The following PDZD2 variants were observed in gnomAD, a reference collection of about 807,000 sequenced individuals.
PDZD2 encodes the protein PDZ domain containing 2.
In PDZD2, 90 loss-of-function variants were observed where a neutral mutation model predicts 220.7. That is an observed-to-expected ratio of 0.41 (90% confidence interval 0.34 to 0.49). The LOEUF is 0.49. Among genes scored for constraint, PDZD2 ranks in the 20% least tolerant of loss-of-function variants. The pLI is 0.28. For synonymous variants in PDZD2, 1,375 were observed against 1,450.5 expected, an observed-to-expected ratio of 0.95 and a Z score of 1.18; for missense variants, 3,174 against 3,608.5, an observed-to-expected ratio of 0.88 and a Z score of 3.08.
rs369135264 is a variant in PDZD2 at position 31,736,290 on chromosome 5, A to G, written c.-360-62599A>G. On this transcript the variant is annotated intron_variant, in intron 1 of 24. Transcript: ENST00000438447. ...TCGCGTTCTGCCTGGAAGTCTGCAC[A>G]GGGCTCGTGGGTGCTACGGCAGTGT... 1.2e-4 allele frequency among the ~76,000 whole-genome samples: 18 copies of G among 152,302 alleles called. No individual in the cohort carries two copies. The East Asian group carries it at 1.4e-3, about 11-fold the overall frequency.
At position 32,088,366 on chromosome 5, in the gene PDZD2, G is replaced by A. The variant is rs768827237; in HGVS notation, c.4918G>A (p.Glu1640Lys). 6.2e-7 allele frequency: 1 copy of A among 1,614,108 alleles called. No individual in the cohort carries two copies. The highest frequency in any genetic ancestry group is 8.5e-7 in the Non-Finnish European group (1 of 1,180,044). ...VLSLKYSTPRESVASPREKAA... is the reference protein window; with the variant it reads ...VLSLKYSTPRKSVASPREKAA... ...GTCATTAAAATACAGCACTCCGAGA[G>A]AGTCGGTGGCCAGTCCCCGTGAGAA... The change falls in exon 20 of 25, where the codon GAG (glutamate) becomes AAG (lysine). Residue 1640 changes from glutamate to lysine, a missense_variant. Physicochemically the swap from Glu to Lys is moderately conservative, Grantham distance 56. This residue lies in a region of PDZD2 where 1,861 missense variants were observed against 2,001.0 expected (regional missense o/e 0.93). Transcript: ENST00000438447. The surrounding 1 kb of genome is among the most constrained non-coding windows in gnomAD (Gnocchi z 4.6).
At chr5:31,874,501 C>A (rs755979380) in intron 2 of PDZD2, among the ~76,000 whole-genome samples, 1 of 152,082 alleles carries the variant, frequency 6.6e-6, no homozygotes, top group African/African-American at 2.4e-5. Flanking sequence ...TGGCTCACAC[C>A]TGTAATCCCA....
At chr5:32,078,840 G>C (rs1226956626) in intron 19 of PDZD2, among the ~76,000 whole-genome samples, 1 of 151,428 alleles carries the variant, frequency 6.6e-6, no homozygotes, top group East Asian at 2.0e-4. Context: ...GTGTATGTGT[G>C]TATGTAAAAT....
intron 6 of PDZD2, among the ~76,000 whole-genome samples, chr5:32,025,591 C>CTTTTTTCTTTTTTTTTTTTTT (rs1754584653): frequency 1.5e-5 from 1 of 67,508 alleles, no homozygotes; most frequent in African/African-American, 6.6e-5. Context: ...AACCATGATG[C>CTTTTTTCTTTTTTTTTTTTTT]TTTTTTTTTT....
intron 2 of PDZD2, among the ~76,000 whole-genome samples, chr5:31,952,399 C>A (rs545662685): frequency 6.6e-6 from 1 of 152,288 alleles, no homozygotes; most frequent in South Asian, 2.1e-4. Context: ...GATTTCAGAA[C>A]CTCAGTTGAA....
chr5:31,786,166 C>CT (rs1753367372), intron 1 of PDZD2, among the ~76,000 whole-genome samples: 1 of 152,126 alleles, frequency 6.6e-6, no homozygotes, highest in Non-Finnish European at 1.5e-5. Context: ...AAGGTTGAAC[C>CT]TTTGTGCTCC....
At chr5:31,926,539 A>AAAAG (rs1744787934) in intron 2 of PDZD2, among the ~76,000 whole-genome samples, 1 of 151,570 alleles carries the variant, frequency 6.6e-6, no homozygotes, top group African/African-American at 2.4e-5. Flanking sequence ...AAAAAAAAAA[A>AAAAG]AAAAAAGAAA....
chr5:32,074,857 C>T (rs926940485), intron 18 of PDZD2, among the ~76,000 whole-genome samples: 3 of 151,058 alleles, frequency 2.0e-5, no homozygotes, highest in Admixed American at 6.6e-5. Context: ...GTCACCCAGG[C>T]GGGAGTGCAG....
At chr5:31,991,688 C>T (rs1373242905) in intron 3 of PDZD2, among the ~76,000 whole-genome samples, 1 of 152,152 alleles carries the variant, frequency 6.6e-6, no homozygotes, top group African/African-American at 2.4e-5. Flanking sequence ...ATATCAGACA[C>T]TGATTTATTT....
chr5:32,056,442 G>A (rs1248880283), intron 10 of PDZD2, among the ~76,000 whole-genome samples: 1 of 152,146 alleles, frequency 6.6e-6, no homozygotes, highest in Admixed American at 6.5e-5. Context: ...CAGCAATGCT[G>A]TGCAAAGTTC....
At position 31,855,195 on chromosome 5, in the gene PDZD2, G is replaced by A. The variant is rs1758339109; in HGVS notation, c.476+55471G>A. On this transcript the variant is annotated intron_variant, in intron 2 of 24. Transcript: ENST00000438447. ...TAGGAAATCGGCTTCTCAGGCGAAAGCCTCAGGTTTTCTGATCTGATCCAG... is the reference window on the plus strand; with the variant it reads ...TAGGAAATCGGCTTCTCAGGCGAAAACCTCAGGTTTTCTGATCTGATCCAG... 9.5e-6 allele frequency: 8 copies of A among 838,528 alleles called. No homozygotes were observed. In the South Asian group the frequency reaches 4.3e-4, roughly 45 times the overall value. The allele number at this position is 838,528 out of a possible 1,614,324, so 51.9% of individuals were successfully genotyped here.
Position 31,689,330 on chromosome 5 carries a change from C to CATATGCATATATATATATATATATATAT in PDZD2, c.-361+49897_-361+49898insGCATATATATATATATATATATATATAT, listed in dbSNP as rs1375688425. Among the ~76,000 whole-genome samples the CATATGCATATATATATATATATATATAT allele has an allele frequency of 1.2e-4, 7 of 58,596 alleles. 1 individual carries two copies. The highest frequency in any genetic ancestry group is 5.7e-4 in the South Asian group (1 of 1,744). The allele number at this position is 58,596 out of a possible 152,430, so 38.4% of individuals were successfully genotyped here. On this transcript the variant is annotated intron_variant, in intron 1 of 24. Coordinates refer to ENST00000438447, the MANE Select transcript of PDZD2 (RefSeq NM_178140.4). ...ATACATACATATACACATATATATA[C>CATATGCATATATATATATATATATATAT]ATATACATATATATATATATATATT...
chr5:31,894,379 G>A (rs1190739674), intron 2 of PDZD2, among the ~76,000 whole-genome samples: 1 of 152,078 alleles, frequency 6.6e-6, no homozygotes, highest in Non-Finnish European at 1.5e-5. Context: ...GCACGGTGGG[G>A]TGTAGGATTT....
At chr5:31,759,257 T>A (rs1751486575) in intron 1 of PDZD2, among the ~76,000 whole-genome samples, 1 of 151,788 alleles carries the variant, frequency 6.6e-6, no homozygotes, top group African/African-American at 2.4e-5. Context: ...AACCACAGAG[T>A]GTTTGTAAAA....
At chr5:31,875,381 C>T (rs1186800536) in intron 2 of PDZD2, among the ~76,000 whole-genome samples, 4 of 151,890 alleles carry the variant, frequency 2.6e-5, no homozygotes, top group Non-Finnish European at 4.4e-5. Flanking sequence ...GCCAGGATTT[C>T]GAGACCAGCC....
intron 2 of PDZD2, among the ~76,000 whole-genome samples, chr5:31,818,367 A>G (rs761638493): frequency 2.6e-5 from 4 of 152,222 alleles, no homozygotes; most frequent in South Asian, 2.1e-4. Context: ...CTCCTAGGGA[A>G]GGTGTCTCTT....
intron 1 of PDZD2, among the ~76,000 whole-genome samples, chr5:31,679,064 C>T (rs72753595): frequency 0.19 from 28,441 of 152,142 alleles, 2,807 homozygotes; most frequent in Middle Eastern, 0.22. Context: ...TGGGGAAGGG[C>T]GGTATGGGCA....
chr5:32,106,810 A>G (rs1486994967), intron 24 of PDZD2, among the ~76,000 whole-genome samples: 1 of 152,226 alleles, frequency 6.6e-6, no homozygotes, highest in Non-Finnish European at 1.5e-5. Context: ...AAATGTATCT[A>G]TCTCAAGAAA....
rs139749253 is a variant in PDZD2, at chr5:31,865,102, C to T, written c.476+65378C>T. ...GACCTCGTGATCCGCCCGCCTCAGCCTCCCAAAGTGCTGGGATTACAGGCG... is the reference window on the plus strand; with the variant it reads ...GACCTCGTGATCCGCCCGCCTCAGCTTCCCAAAGTGCTGGGATTACAGGCG... On this transcript the variant is annotated intron_variant, in intron 2 of 24. Coordinates refer to ENST00000438447, the MANE Select transcript of PDZD2 (RefSeq NM_178140.4). Among the ~76,000 whole-genome samples the T allele has an allele frequency of 4.3e-3, 658 of 152,182 alleles. 5 individuals carry two copies. The highest frequency in any genetic ancestry group is 0.015 in the African/African-American group (610 of 41,526).
Sources: allele counts gnomAD v4.1 joint callset (sites outside exome capture counted in the v4.1 genomes callset), GRCh38; gene constraint gnomAD v4.1.1; regional missense constraint gnomAD v4.1.1; non-coding constraint Gnocchi (gnomAD v3.1); transcripts MANE v1.5; gene names NCBI Gene and HGNC (gene_info 2026-07-23, HGNC 2026-07-21).